Variants in RPIA observed in about 807,000 individuals in gnomAD.
The protein encoded by RPIA is ribose 5-phosphate isomerase A, also known as ribose-5-phosphate isomerase.
A neutral mutation model predicts 37.8 loss-of-function variants in RPIA; 29 were observed. That is an observed-to-expected ratio of 0.77 (90% confidence interval 0.57 to 1.05). The LOEUF is 1.05. Ranked by LOEUF, RPIA falls within the 50% of genes least tolerant of loss-of-function variation. The probability of loss-of-function intolerance (pLI) is 0.00; values close to 1 mark genes in which losing one functional copy is unlikely to be tolerated. For missense variants in RPIA, 385 were observed against 413.6 expected (o/e 0.93, Z 0.60); for synonymous variants, 167 against 157.0 (o/e 1.06, Z -0.48).
chr2:88,711,918 T>C (rs1368716033), intron 3 of RPIA, among the ~76,000 whole-genome samples: 1 of 152,130 alleles, frequency 6.6e-6, no homozygotes, highest in Admixed American at 6.5e-5. Context: ...GGTGTGAGGA[T>C]TGCTTGAGCT....
chr2:88,742,406 A>G (rs112789605), intron 8 of RPIA, among the ~76,000 whole-genome samples: 135 of 152,264 alleles, frequency 8.9e-4, no homozygotes, highest in African/African-American at 3.1e-3. Flanking sequence ...CCATTGGTCT[A>G]TATGCCTGTT....
chr2:88,736,083 G>A (rs1187157359), intron 6 of RPIA, among the ~76,000 whole-genome samples: 1 of 152,210 alleles, frequency 6.6e-6, no homozygotes. Context: ...GGCAGGGTGT[G>A]CCCTGCCCAC....
At chr2:88,729,232 T>G in intron 3 of RPIA, 46 bp from the exon 4 acceptor site, 56 of 1,595,478 alleles carry the variant, frequency 3.5e-5, no homozygotes, top group Non-Finnish European at 4.3e-5. Context: ...ATCCTTGTCA[T>G]GAACTCAAGT....
chr2:88,705,071 C>G (rs538890098), intron 3 of RPIA, among the ~76,000 whole-genome samples: 1 of 151,938 alleles, frequency 6.6e-6, no homozygotes, highest in Admixed American at 6.6e-5. Flanking sequence ...AATGAGAGGA[C>G]ACAAATGGGA....
At chr2:88,718,535 G>A (rs966577968) in intron 3 of RPIA, among the ~76,000 whole-genome samples, 12 of 152,134 alleles carry the variant, frequency 7.9e-5, no homozygotes, top group African/African-American at 2.7e-4. Flanking sequence ...CTGTCAGAAA[G>A]TGACATTCTT....
intron 4 of RPIA, among the ~76,000 whole-genome samples, chr2:88,733,397 A>G (rs965022913): frequency 6.6e-6 from 1 of 152,190 alleles, no homozygotes; most frequent in Non-Finnish European, 1.5e-5. Flanking sequence ...TGGGCCTCAC[A>G]GGGGTTAGTA....
intron 1 of RPIA, among the ~76,000 whole-genome samples, chr2:88,693,140 A>G (rs1234620958): frequency 6.6e-6 from 1 of 152,244 alleles, no homozygotes; most frequent in Admixed American, 6.5e-5. Flanking sequence ...ATTTCAAAAT[A>G]TCTGCATACA....
rs369685815 is a variant in RPIA, at chr2:88,742,790, A to G, written c.838+4714A>G. ...GGTTGGGTATACTCCTAAGTATTTT[A>G]TTTTTTTTGCAGTTGTCATAAAAGG... On this transcript the variant is annotated intron_variant, in intron 8 of 8. Coordinates refer to ENST00000283646, the MANE Select transcript of RPIA (RefSeq NM_144563.3). 4.0e-5 allele frequency among the ~76,000 whole-genome samples: 6 copies of G among 151,252 alleles called. No individual in the cohort carries two copies. The South Asian group carries it at 6.3e-4, about 16-fold the overall frequency.
chr2:88,745,984 C>CT (rs1306304601), intron 8 of RPIA, among the ~76,000 whole-genome samples: 1 of 151,914 alleles, frequency 6.6e-6, no homozygotes, highest in African/African-American at 2.4e-5. Flanking sequence ...TTTTTTGATT[C>CT]TTTTTTTCTT....
intron 3 of RPIA, among the ~76,000 whole-genome samples, chr2:88,714,940 G>T (rs1357929078): frequency 6.6e-6 from 1 of 152,202 alleles, no homozygotes; most frequent in Non-Finnish European, 1.5e-5. Flanking sequence ...TAGAGAATCA[G>T]CATGCTGTTT....
Position 88,736,604 on chromosome 2 carries a change from T to C in RPIA, c.666T>C (p.Tyr222=). The C allele has an allele frequency of 6.2e-7, 1 of 1,614,188 alleles. No homozygotes were observed. Among genetic ancestry groups the C allele is most frequent in the Non-Finnish European group, 8.5e-7 (1 of 1,180,022 alleles). Residue 222 remains tyrosine, a synonymous_variant, in exon 7 of 9, where the codon TAT becomes TAC. Transcript: ENST00000283646. ...CCATCGAGGTCATCCCAATGGCCTA[T>C]GTCCCAGTGAGCCGAGCTGTGAGCC... ...GIPIEVIPMA[Y]VPVSRAVSQK...
intron 3 of RPIA, among the ~76,000 whole-genome samples, chr2:88,728,790 A>G (rs1223875394): frequency 6.6e-6 from 1 of 152,168 alleles, no homozygotes; most frequent in Non-Finnish European, 1.5e-5. Context: ...AGTCTTTCTG[A>G]ATTCTGGCAT....
intron 3 of RPIA, among the ~76,000 whole-genome samples, chr2:88,711,816 T>C (rs1282782239): frequency 6.6e-6 from 1 of 152,220 alleles, no homozygotes; most frequent in Non-Finnish European, 1.5e-5. Context: ...TGGTGTCTTA[T>C]TGCTACAAAT....
At chr2:88,721,037 A>G (rs1023221213) in intron 3 of RPIA, among the ~76,000 whole-genome samples, 1 of 152,210 alleles carries the variant, frequency 6.6e-6, no homozygotes, top group Non-Finnish European at 1.5e-5. Context: ...ATGCAATCAT[A>G]AAAAAGGATG....
At chr2:88,707,235 A>C (rs1011022122) in intron 3 of RPIA, among the ~76,000 whole-genome samples, 3 of 151,868 alleles carry the variant, frequency 2.0e-5, no homozygotes, top group African/African-American at 7.3e-5. Flanking sequence ...CCCAACCCAT[A>C]CCTTCCTTCT....
At chr2:88,714,266 G>T (rs1385173982) in intron 3 of RPIA, among the ~76,000 whole-genome samples, 1 of 152,064 alleles carries the variant, frequency 6.6e-6, no homozygotes, top group Non-Finnish European at 1.5e-5. Context: ...CGCCTCCTGG[G>T]TTCAAGTGAT....
At chr2:88,708,842 C>T (rs1393083032) in intron 3 of RPIA, among the ~76,000 whole-genome samples, 4 of 151,628 alleles carry the variant, frequency 2.6e-5, no homozygotes, top group Non-Finnish European at 5.9e-5. Flanking sequence ...CTGCAAGCTC[C>T]ACCTCCTGGG....
At chr2:88,713,880 G>A (rs59136065) in intron 3 of RPIA, among the ~76,000 whole-genome samples, 2,717 of 147,704 alleles carry the variant, frequency 0.018, 87 homozygotes, top group African/African-American at 0.063. Flanking sequence ...AAAATTTTTC[G>A]TAGTAGGATC....
chr2:88,734,729 T>G, intron 5 of RPIA, 113 bp downstream of exon 5: 1 of 1,123,884 alleles, frequency 8.9e-7, no homozygotes, highest in Non-Finnish European at 1.3e-6. Flanking sequence ...AGTTTGTCTT[T>G]CTCCTAGGAT....
Sources: allele counts gnomAD v4.1 joint callset (sites outside exome capture counted in the v4.1 genomes callset), GRCh38; gene constraint gnomAD v4.1.1; transcripts MANE v1.5; gene names NCBI Gene and HGNC (gene_info 2026-07-23, HGNC 2026-07-21).